Variants in NEGR1 observed in about 807,000 individuals in gnomAD.
NEGR1 encodes IgLON family member 4.
A neutral mutation model predicts 40.9 loss-of-function variants in NEGR1; 10 were observed. The observed-to-expected ratio is 0.24, with a 90% CI of 0.15 to 0.42. The LOEUF (loss-of-function observed/expected upper bound fraction) is 0.42. Among genes scored for constraint, NEGR1 ranks in the 10% least tolerant of loss-of-function variants. The pLI, the probability that NEGR1 is intolerant of heterozygous loss-of-function variation, is 1.00. For synonymous variants in NEGR1, 185 were observed against 166.8 expected, an observed-to-expected ratio of 1.11 and a Z score of -0.84; for missense variants, 352 against 438.9, an observed-to-expected ratio of 0.80 and a Z score of 1.77.
chr1:71,729,813 TTTTTGTTTTG>T (rs1196485945), intron 3 of NEGR1, among the ~76,000 whole-genome samples: 20 of 151,702 alleles, frequency 1.3e-4, no homozygotes, highest in African/African-American at 4.6e-4. Context: ...AATTTTTGTT[TTTTTGTTTTG>T]TTTTGTTTTG....
chr1:71,857,537 A>G (rs2101819400), intron 2 of NEGR1, among the ~76,000 whole-genome samples: 1 of 145,554 alleles, frequency 6.9e-6, no homozygotes, highest in Middle Eastern at 3.6e-3. Flanking sequence ...CTGAAGTGGG[A>G]AGATCATTTG....
At chr1:72,272,888 C>T (rs1655891932) in intron 1 of NEGR1, among the ~76,000 whole-genome samples, 1 of 151,976 alleles carries the variant, frequency 6.6e-6, no homozygotes, top group Admixed American at 6.6e-5. Flanking sequence ...AATATATTGG[C>T]TTTTATTCAA....
chr1:71,958,078 T>C (rs914175588), intron 1 of NEGR1, among the ~76,000 whole-genome samples: 1 of 152,178 alleles, frequency 6.6e-6, no homozygotes, highest in African/African-American at 2.4e-5. Flanking sequence ...TGAATAGAGT[T>C]TCCACTGAAG....
rs565317253 is a variant in NEGR1, at chr1:72,144,207, TA to T, written c.176+138111del. ...TGTTCATTCTAAATTACTTAAAACA[TA>T]TAGGTCTTGCAGGCACTCCCAATCA... On this transcript the variant is annotated intron_variant, in intron 1 of 6. Coordinates refer to ENST00000357731, the MANE Select transcript of NEGR1 (RefSeq NM_173808.3). 5.8e-3 allele frequency among the ~76,000 whole-genome samples: 872 copies of T among 151,606 alleles called. 10 individuals carry two copies. The highest frequency in any genetic ancestry group is 0.02 in the African/African-American group (826 of 41,464).
intron 1 of NEGR1, among the ~76,000 whole-genome samples, chr1:72,083,389 C>T (rs780659690): frequency 4.6e-5 from 7 of 151,672 alleles, no homozygotes; most frequent in Non-Finnish European, 8.8e-5. Flanking sequence ...GCTATGTTTC[C>T]CAGGCCGGAA....
At chr1:72,190,336 T>A (rs1192414378) in intron 1 of NEGR1, among the ~76,000 whole-genome samples, 1 of 151,658 alleles carries the variant, frequency 6.6e-6, no homozygotes, top group Non-Finnish European at 1.5e-5. Flanking sequence ...AGAAAATATT[T>A]AGCATAATAA....
At chr1:71,939,630 G>A (rs1283648034) in intron 1 of NEGR1, among the ~76,000 whole-genome samples, 1 of 152,124 alleles carries the variant, frequency 6.6e-6, no homozygotes, top group African/African-American at 2.4e-5. Flanking sequence ...ATCTAAATCA[G>A]TAAGTGAAGA....
At chr1:72,113,801 G>A (rs1417874863) in intron 1 of NEGR1, among the ~76,000 whole-genome samples, 1 of 151,686 alleles carries the variant, frequency 6.6e-6, no homozygotes, top group African/African-American at 2.4e-5. Context: ...CTGTCAGGCT[G>A]TCAGTTTCTC....
intron 1 of NEGR1, among the ~76,000 whole-genome samples, chr1:72,129,301 A>G (rs755061963): frequency 6.6e-6 from 1 of 152,174 alleles, no homozygotes; most frequent in Non-Finnish European, 1.5e-5. Context: ...TATGTTATTG[A>G]TTAATCTAAA....
At chr1:71,776,150 C>T (rs1471001093) in intron 3 of NEGR1, 22 bp downstream of exon 3, 6 of 1,600,174 alleles carry the variant, frequency 3.7e-6, no homozygotes, top group Middle Eastern at 3.3e-4. Context: ...GCACAAACAA[C>T]ACTAATGCAT....
intron 6 of NEGR1, among the ~76,000 whole-genome samples, chr1:71,491,391 G>A (rs1646926686): frequency 6.6e-6 from 1 of 151,856 alleles, no homozygotes; most frequent in Non-Finnish European, 1.5e-5. Context: ...AATGCAAGGA[G>A]GTTAATATTA....
chr1:72,224,655 C>T (rs1354690804), intron 1 of NEGR1, among the ~76,000 whole-genome samples: 2 of 151,912 alleles, frequency 1.3e-5, no homozygotes, highest in African/African-American at 4.8e-5. Context: ...ATTGCAGAGT[C>T]TGGATTTTAA....
intron 6 of NEGR1, chr1:71,486,637 T>C (rs560119600): frequency 9.9e-5 from 15 of 151,664 alleles, no homozygotes; most frequent in African/African-American, 3.6e-4. Context: ...AGTTGATTCT[T>C]AATGTAATAT....
At chr1:72,087,379 C>T (rs1454471008) in intron 1 of NEGR1, among the ~76,000 whole-genome samples, 1 of 151,562 alleles carries the variant, frequency 6.6e-6, no homozygotes, top group African/African-American at 2.4e-5. Flanking sequence ...TGCAGTGAGC[C>T]AAGATTGCGC....
intron 3 of NEGR1, among the ~76,000 whole-genome samples, chr1:71,702,895 G>C (rs760845904): frequency 6.6e-6 from 1 of 152,072 alleles, no homozygotes. Context: ...AGAGCCCAGT[G>C]GTCTTGCATT....
intron 3 of NEGR1, among the ~76,000 whole-genome samples, chr1:71,718,667 TC>T (rs1459203094): frequency 6.6e-6 from 1 of 152,186 alleles, no homozygotes; most frequent in Non-Finnish European, 1.5e-5. Flanking sequence ...TTATTATTTA[TC>T]CTCAAATAGC....
intron 1 of NEGR1, among the ~76,000 whole-genome samples, chr1:72,004,392 TG>T (rs1646587233): frequency 1.3e-5 from 2 of 152,112 alleles, no homozygotes; most frequent in Admixed American, 1.3e-4. Context: ...TTGCAACCCC[TG>T]CCTCCCGGGT....
chr1:72,121,672 T>A (rs17092363), intron 1 of NEGR1, among the ~76,000 whole-genome samples: 3 of 151,978 alleles, frequency 2.0e-5, no homozygotes, highest in Non-Finnish European at 4.4e-5. Flanking sequence ...TATAAAAATA[T>A]GATGAGTCTA....
At chr1:72,186,172 G>T (rs1205996042) in intron 1 of NEGR1, among the ~76,000 whole-genome samples, 1 of 151,664 alleles carries the variant, frequency 6.6e-6, no homozygotes, top group Non-Finnish European at 1.5e-5. Context: ...AAAATATCAT[G>T]TAACAAAGTT....
Sources: allele counts gnomAD v4.1 joint callset (sites outside exome capture counted in the v4.1 genomes callset), GRCh38; gene constraint gnomAD v4.1.1; transcripts MANE v1.5; gene names NCBI Gene and HGNC (gene_info 2026-07-23, HGNC 2026-07-21).